Variants in CNTN5 observed in about 807,000 individuals in gnomAD.
The protein encoded by CNTN5 is contactin 5.
In CNTN5, 77 loss-of-function variants were observed where a neutral mutation model predicts 129.1. The ratio of observed to expected loss-of-function variants is 0.60; its 90% confidence interval spans 0.50 to 0.72. CNTN5 has a LOEUF of 0.72. Among genes scored for constraint, CNTN5 ranks in the 30% least tolerant of loss-of-function variants. The pLI is 0.00. For synonymous variants in CNTN5, 509 were observed against 465.6 expected (o/e 1.09, Z -1.20); for missense variants, 1,478 against 1,328.8 (o/e 1.11, Z -1.75).
At chr11:100,032,154 T>C (rs78031309) in intron 9 of CNTN5, among the ~76,000 whole-genome samples, 1,668 of 152,248 alleles carry the variant, frequency 0.011, 23 homozygotes, top group African/African-American at 0.038. Context: ...ATAACTTTAC[T>C]TTTATATATT....
At chr11:99,626,095 G>A (rs192645486) in intron 3 of CNTN5, among the ~76,000 whole-genome samples, 2 of 152,114 alleles carry the variant, frequency 1.3e-5, no homozygotes, top group East Asian at 1.9e-4. Context: ...GTGTTAAGGG[G>A]TGAATGGGAG....
At chr11:100,009,330 G>A (rs940018627) in intron 9 of CNTN5, among the ~76,000 whole-genome samples, 8 of 151,980 alleles carry the variant, frequency 5.3e-5, no homozygotes, top group Non-Finnish European at 1.0e-4. Context: ...TAAAGTGACC[G>A]TGACATGCTA....
At chr11:99,936,226 G>T (rs1209605430) in intron 7 of CNTN5, among the ~76,000 whole-genome samples, 2 of 152,150 alleles carry the variant, frequency 1.3e-5, no homozygotes, top group Admixed American at 6.6e-5. Context: ...AATAGCAGGG[G>T]TTGCAGACAT....
chr11:99,170,759 C>A (rs1171628978), intron 1 of CNTN5, among the ~76,000 whole-genome samples: 1 of 152,162 alleles, frequency 6.6e-6, no homozygotes, highest in Non-Finnish European at 1.5e-5. Context: ...CCAAAGCAGA[C>A]TGCAGGCTCC....
intron 3 of CNTN5, among the ~76,000 whole-genome samples, chr11:99,697,325 G>C (rs1049896634): frequency 3.3e-5 from 5 of 151,754 alleles, no homozygotes; most frequent in African/African-American, 1.2e-4. Context: ...GGGAGAGAGA[G>C]AGAGAGAAAC....
intron 2 of CNTN5, among the ~76,000 whole-genome samples, chr11:99,463,425 G>C (rs1053337282): frequency 1.7e-5 from 2 of 117,424 alleles, no homozygotes; most frequent in African/African-American, 6.5e-5. Flanking sequence ...GCAACAGAGC[G>C]AGACTCTGTC....
intron 3 of CNTN5, among the ~76,000 whole-genome samples, chr11:99,626,287 T>G (rs1951129706): frequency 6.6e-6 from 1 of 152,136 alleles, no homozygotes; most frequent in Non-Finnish European, 1.5e-5. Context: ...TCCAAATTGT[T>G]CAGTGCCTCC....
chr11:99,278,434 A>G (rs1863547854), intron 1 of CNTN5, among the ~76,000 whole-genome samples: 2 of 151,692 alleles, frequency 1.3e-5, no homozygotes, highest in East Asian at 1.9e-4. Context: ...AAAAAATAAG[A>G]TAATTTAGAA....
intron 3 of CNTN5, among the ~76,000 whole-genome samples, chr11:99,658,464 G>C (rs979203092): frequency 2.6e-5 from 4 of 152,018 alleles, no homozygotes; most frequent in Admixed American, 1.3e-4. Flanking sequence ...GGCAATGTCT[G>C]ATAATTTCAG....
chr11:99,838,815 G>A (rs1485576284), intron 4 of CNTN5, among the ~76,000 whole-genome samples: 1 of 152,098 alleles, frequency 6.6e-6, no homozygotes, highest in Non-Finnish European at 1.5e-5. Flanking sequence ...GACCCACGAG[G>A]AAAGTGTACC....
intron 2 of CNTN5, among the ~76,000 whole-genome samples, chr11:99,449,828 A>C (rs1201595373): frequency 6.6e-6 from 1 of 152,216 alleles, no homozygotes; most frequent in Non-Finnish European, 1.5e-5. Flanking sequence ...GGTATCACTT[A>C]GGTGGATGTC....
chr11:99,835,484 C>T (rs1947273332), intron 4 of CNTN5, among the ~76,000 whole-genome samples: 1 of 152,042 alleles, frequency 6.6e-6, no homozygotes, highest in Non-Finnish European at 1.5e-5. Context: ...TGAAAGCTGT[C>T]AGCAGTCAAA....
chr11:100,266,684 T>C (rs1021857137), intron 17 of CNTN5, among the ~76,000 whole-genome samples: 111 of 151,092 alleles, frequency 7.3e-4, no homozygotes, highest in African/African-American at 1.9e-3. Context: ...GGAAAGGATA[T>C]GGACTTGGAA....
chr11:99,585,664 T>C (rs930251677), intron 3 of CNTN5, among the ~76,000 whole-genome samples: 12 of 152,126 alleles, frequency 7.9e-5, no homozygotes, highest in Admixed American at 4.6e-4. Flanking sequence ...ATTTTCCAAC[T>C]GTAAATGGGC....
chr11:99,771,973 G>GA (rs958644955), intron 3 of CNTN5, among the ~76,000 whole-genome samples: 2 of 151,368 alleles, frequency 1.3e-5, no homozygotes, highest in Admixed American at 6.6e-5. Context: ...AAAAAAACCT[G>GA]AAAAAAATGT....
intron 2 of CNTN5, among the ~76,000 whole-genome samples, chr11:99,420,253 A>G (rs1184143756): frequency 2.0e-5 from 3 of 152,280 alleles, no homozygotes; most frequent in Non-Finnish European, 4.4e-5. Context: ...AATTACTTCA[A>G]AGAAAAGTAT....
intron 2 of CNTN5, among the ~76,000 whole-genome samples, chr11:99,462,360 C>CTTT (rs72276833): frequency 0.11 from 13,732 of 124,958 alleles, 782 homozygotes; most frequent in African/African-American, 0.14. Flanking sequence ...CTTTTCTTTT[C>CTTT]TTTTTTTTTT....
intron 9 of CNTN5, among the ~76,000 whole-genome samples, chr11:100,046,260 A>C (rs1485051682): frequency 6.6e-6 from 1 of 152,148 alleles, no homozygotes; most frequent in Non-Finnish European, 1.5e-5. Flanking sequence ...TTAATAGAAA[A>C]AACAATTATG....
chr11:99,313,810 C>A (rs1865218692), intron 1 of CNTN5, among the ~76,000 whole-genome samples: 1 of 151,954 alleles, frequency 6.6e-6, no homozygotes, highest in African/African-American at 2.4e-5. Context: ...TTTGCAGCTG[C>A]AATAGTATAT....
Sources: allele counts gnomAD v4.1 joint callset (sites outside exome capture counted in the v4.1 genomes callset), GRCh38; gene constraint gnomAD v4.1.1; transcripts MANE v1.5; gene names NCBI Gene and HGNC (gene_info 2026-07-23, HGNC 2026-07-21).